ROBO1: variants seen among roughly 807,000 people sequenced by gnomAD.
The protein encoded by ROBO1 is roundabout homolog 1.
In ROBO1, 149 loss-of-function variants were observed where a neutral mutation model predicts 195.9. That is an observed-to-expected ratio of 0.76 (90% CI 0.67 to 0.87). The LOEUF is 0.87. ROBO1 is among the 40% of genes least tolerant of loss of function. The probability of loss-of-function intolerance (pLI) is 0.00; values close to 1 mark genes in which losing one functional copy is unlikely to be tolerated. For synonymous variants in ROBO1, 816 were observed against 733.2 expected, an observed-to-expected ratio of 1.11 and a Z score of -1.82; for missense variants, 1,933 against 2,068.3, an observed-to-expected ratio of 0.93 and a Z score of 1.27.
chr3:78,825,232 A>C (rs1485578350), intron 4 of ROBO1, among the ~76,000 whole-genome samples: 1 of 152,198 alleles, frequency 6.6e-6, no homozygotes, highest in Non-Finnish European at 1.5e-5. Context: ...CCCGATAGTA[A>C]GGAACATAAT....
intron 2 of ROBO1, among the ~76,000 whole-genome samples, chr3:79,321,517 T>G (rs1243673687): frequency 1.3e-5 from 2 of 152,210 alleles, no homozygotes; most frequent in African/African-American, 4.8e-5. Flanking sequence ...TCAATACACA[T>G]TAGTTCCTTT....
At chr3:79,631,459 A>G (rs1282972131) in intron 1 of ROBO1, among the ~76,000 whole-genome samples, 1 of 152,020 alleles carries the variant, frequency 6.6e-6, no homozygotes, top group Non-Finnish European at 1.5e-5. Context: ...TTTGGTCCCT[A>G]TCTCTTACCA....
chr3:79,427,671 C>T (rs2038502486), intron 2 of ROBO1, among the ~76,000 whole-genome samples: 1 of 152,040 alleles, frequency 6.6e-6, no homozygotes, highest in African/African-American at 2.4e-5. Flanking sequence ...GACAAAGGTG[C>T]CAAGAACATA....
intron 2 of ROBO1, among the ~76,000 whole-genome samples, chr3:79,239,026 A>G (rs1437997525): frequency 2.0e-5 from 3 of 152,200 alleles, no homozygotes; most frequent in Non-Finnish European, 4.4e-5. Context: ...ACACAGCACA[A>G]AAGTCCTTTG....
intron 2 of ROBO1, among the ~76,000 whole-genome samples, chr3:79,477,900 T>A (rs1392351936): frequency 6.6e-6 from 1 of 152,216 alleles, no homozygotes; most frequent in Non-Finnish European, 1.5e-5. Context: ...CAAAGGCCTA[T>A]GCATGCTTTT....
At chr3:79,176,409 C>T (rs771826235) in intron 2 of ROBO1, among the ~76,000 whole-genome samples, 7 of 152,084 alleles carry the variant, frequency 4.6e-5, no homozygotes, top group Admixed American at 6.5e-5. Context: ...TGATTCCTTA[C>T]AATTATTTAT....
intron 2 of ROBO1, among the ~76,000 whole-genome samples, chr3:79,445,230 C>A (rs1198841280): frequency 2.0e-5 from 3 of 151,620 alleles, no homozygotes; most frequent in African/African-American, 7.3e-5. Flanking sequence ...TATTTGCGTA[C>A]ATCATATCCA....
intron 1 of ROBO1, among the ~76,000 whole-genome samples, chr3:79,612,024 T>C (rs951360867): frequency 7.6e-6 from 1 of 131,020 alleles, no homozygotes; most frequent in East Asian, 1.9e-4. Flanking sequence ...GACTATTATC[T>C]TTTTTTTTAT....
chr3:79,019,232 C>A, intron 3 of ROBO1: 1 of 985,860 alleles, frequency 1.0e-6, no homozygotes, highest in South Asian at 4.7e-5. Flanking sequence ...CGCTCGCAGG[C>A]ACCCCTAAAC....
At chr3:79,182,856 G>A (rs2081367896) in intron 2 of ROBO1, among the ~76,000 whole-genome samples, 1 of 151,996 alleles carries the variant, frequency 6.6e-6, no homozygotes. Context: ...GAGGCAGGCG[G>A]ATCACGAGGT....
chr3:78,988,177 C>T (rs2077156513), intron 3 of ROBO1, among the ~76,000 whole-genome samples: 1 of 152,058 alleles, frequency 6.6e-6, no homozygotes, highest in African/African-American at 2.4e-5. Flanking sequence ...ACTTTAAAAT[C>T]TTGCTCTCTC....
intron 1 of ROBO1, among the ~76,000 whole-genome samples, chr3:79,700,067 A>G (rs763981392): frequency 9.9e-5 from 15 of 151,724 alleles, no homozygotes; most frequent in Admixed American, 2.6e-4. Context: ...GTTCCTACAC[A>G]TAAGTGAAAA....
intron 3 of ROBO1, among the ~76,000 whole-genome samples, chr3:79,112,342 C>T (rs1281503708): frequency 6.6e-6 from 1 of 152,080 alleles, no homozygotes. Context: ...ATCTGAAAGG[C>T]TTTGTCGTGT....
At chr3:79,404,231 T>C (rs577568725) in intron 2 of ROBO1, among the ~76,000 whole-genome samples, 3 of 152,184 alleles carry the variant, frequency 2.0e-5, no homozygotes, top group Non-Finnish European at 4.4e-5. Context: ...AAAGTTACAC[T>C]GGAATGTATA....
intron 2 of ROBO1, among the ~76,000 whole-genome samples, chr3:79,303,233 C>T (rs947545504): frequency 1.2e-4 from 17 of 141,200 alleles, no homozygotes; most frequent in Admixed American, 3.1e-4. Flanking sequence ...GTGGCGCCAT[C>T]GTGGCTAACT....
intron 2 of ROBO1, among the ~76,000 whole-genome samples, chr3:79,257,363 C>T (rs189447126): frequency 3.7e-4 from 57 of 152,172 alleles, no homozygotes; most frequent in Admixed American, 3.6e-3. Context: ...AAGTGGAACT[C>T]GAAAGTACAA....
chr3:79,172,225 T>C (rs1435451143), intron 2 of ROBO1, among the ~76,000 whole-genome samples: 3 of 152,164 alleles, frequency 2.0e-5, no homozygotes, highest in Non-Finnish European at 2.9e-5. Flanking sequence ...TTCAGTTACT[T>C]AGGAGAAACT....
intron 2 of ROBO1, among the ~76,000 whole-genome samples, chr3:79,161,012 C>T (rs985673683): frequency 1.3e-5 from 2 of 152,042 alleles, no homozygotes; most frequent in African/African-American, 4.8e-5. Flanking sequence ...GATAGATATG[C>T]TTTCCTTTAA....
intron 2 of ROBO1, among the ~76,000 whole-genome samples, chr3:79,181,785 G>C (rs763127744): frequency 6.6e-6 from 1 of 151,964 alleles, no homozygotes; most frequent in East Asian, 1.9e-4. Flanking sequence ...AAATTAGCCA[G>C]GCATACTGGT....
Sources: gnomAD v4.1 joint callset for allele counts (sites outside exome capture counted in the v4.1 genomes callset) on GRCh38, gnomAD v4.1.1 for gene constraint, MANE v1.5 for transcripts, NCBI Gene and HGNC (gene_info 2026-07-23, HGNC 2026-07-21) for gene names.